Variants in PIK3C2A observed in about 807,000 individuals in gnomAD.
PIK3C2A encodes phosphatidylinositol-4-phosphate 3-kinase catalytic subunit type 2 alpha.
A neutral mutation model predicts 204.5 loss-of-function variants in PIK3C2A; 97 were observed. That is an observed-to-expected ratio of 0.47 (90% CI 0.40 to 0.56). PIK3C2A has a LOEUF of 0.56. Among genes scored for constraint, PIK3C2A ranks in the 20% least tolerant of loss-of-function variants. The pLI is 0.00. For missense variants in PIK3C2A, 1,735 were observed against 1,969.2 expected, an observed-to-expected ratio of 0.88 and a Z score of 2.25; for synonymous variants, 653 against 664.4, an observed-to-expected ratio of 0.98 and a Z score of 0.26.
At chr11:17,183,998 C>A (rs1363488578) in intron 1 of PIK3C2A, among the ~76,000 whole-genome samples, 2 of 150,992 alleles carry the variant, frequency 1.3e-5, no homozygotes, top group South Asian at 2.1e-4. Flanking sequence ...TCTAGCCACT[C>A]AATTTCAGCT....
chr11:17,111,907 A>G (rs1364398499), intron 21 of PIK3C2A, among the ~76,000 whole-genome samples: 1 of 151,262 alleles, frequency 6.6e-6, no homozygotes, highest in African/African-American at 2.4e-5. Context: ...AAAAATTCAA[A>G]AAAAAAAAAA....
In PIK3C2A at chr11:17,097,043, G is replaced by C. The variant is rs1848475060; in HGVS notation, c.4326+14C>G. On this transcript the variant is annotated intron_variant, in intron 27 of 32. Coordinates refer to ENST00000691414, the MANE Select transcript of PIK3C2A (RefSeq NM_002645.4). Reference sequence around the variant, plus strand: ...ACATGCATGATTGTTTATGAATATTGAAATCAAACTTACATAATGTTTATC... The same window carrying C: ...ACATGCATGATTGTTTATGAATATTCAAATCAAACTTACATAATGTTTATC... 1.4e-6 allele frequency: 2 copies of C among 1,409,110 alleles called. No homozygotes were observed. The highest frequency in any genetic ancestry group is 2.3e-5 in the South Asian group (2 of 85,896). The allele number at this position is 1,409,110 out of a possible 1,614,324, so 87.3% of individuals were successfully genotyped here. A position where few individuals can be genotyped will look rare whatever the true frequency, so the allele number is the denominator to read the frequency against.
chr11:17,203,553 C>T (rs1396727819), intron 1 of PIK3C2A, among the ~76,000 whole-genome samples: 1 of 152,126 alleles, frequency 6.6e-6, no homozygotes, highest in African/African-American at 2.4e-5. Flanking sequence ...ATCAAAAGAA[C>T]ATCATATATG....
At chr11:17,138,667 A>G (rs1053748178) in intron 8 of PIK3C2A, among the ~76,000 whole-genome samples, 25 of 152,100 alleles carry the variant, frequency 1.6e-4, no homozygotes, top group Admixed American at 1.6e-3. Flanking sequence ...CAGTTAGTAA[A>G]TATTTTAGGC....
chr11:17,199,244 T>C (rs1176241422), intron 1 of PIK3C2A, among the ~76,000 whole-genome samples: 2 of 152,002 alleles, frequency 1.3e-5, no homozygotes, highest in Admixed American at 6.6e-5. Flanking sequence ...GGCAAGGGTG[T>C]AGAAAAAGTG....
chr11:17,153,242 G>T lies in PIK3C2A; in HGVS notation c.1169+2284C>A, dbSNP rs188499021. The stretch of plus-strand genomic sequence containing the variant: ...AGGTCAGGAGTTCAAGACCAGCTTG[G>T]CCAATGTAGTGAAACCTCGTTTCTA... On this transcript the variant is annotated intron_variant, in intron 3 of 32. Coordinates refer to ENST00000691414, the MANE Select transcript of PIK3C2A (RefSeq NM_002645.4). 1.5e-3 allele frequency among the ~76,000 whole-genome samples: 229 copies of T among 152,132 alleles called. 2 individuals are homozygous for T. Among genetic ancestry groups the T allele is most frequent in the South Asian group, 3.7e-3 (18 of 4,822 alleles).
rs1848965961 is a variant in PIK3C2A, at chr11:17,110,523, C to G, written c.3453G>C (p.Gln1151His). 2 of 1,610,592 alleles carry G rather than the reference C, an allele frequency of 1.2e-6. No individual in the cohort carries two copies. The highest frequency in any genetic ancestry group is 8.5e-7 in the Non-Finnish European group (1 of 1,177,468). Reference protein sequence around the residue: ...EDLRQDMLALQMIKIMDKIWL... With the variant: ...EDLRQDMLALHMIKIMDKIWL... The stretch of plus-strand genomic sequence containing the variant: ...AGATCTTATCCATAATCTTTATCAT[C>G]TGTAAAGCTAACATATCTTGCCGAA... Residue 1151 changes from glutamine (Q) to histidine (H), a missense_variant, in exon 22 of 33, where the codon CAG becomes CAC. By Grantham distance (24) the Gln-to-His change is conservative (BLOSUM62 0). This residue lies in a region of PIK3C2A where 503 missense variants were observed against 669.0 expected (regional missense o/e 0.75). Transcript: ENST00000691414.
intron 1 of PIK3C2A, among the ~76,000 whole-genome samples, chr11:17,176,479 A>G (rs1398588359): frequency 6.6e-6 from 1 of 151,804 alleles, no homozygotes; most frequent in Non-Finnish European, 1.5e-5. Context: ...AATTTTAAAA[A>G]TTAAAAAAAA....
chr11:17,158,087 T>A (rs1367836449), intron 2 of PIK3C2A, among the ~76,000 whole-genome samples: 2 of 150,018 alleles, frequency 1.3e-5, no homozygotes, highest in South Asian at 2.1e-4. Context: ...CGGTGGCTCA[T>A]GCCTGTAATC....
intron 2 of PIK3C2A, among the ~76,000 whole-genome samples, chr11:17,160,366 C>T (rs1003323599): frequency 3.3e-5 from 5 of 151,934 alleles, no homozygotes; most frequent in African/African-American, 1.2e-4. Context: ...GTAGATTTAC[C>T]CAGGGCAACA....
chr11:17,149,139 T>C (rs1232052815), intron 4 of PIK3C2A, among the ~76,000 whole-genome samples: 1 of 152,134 alleles, frequency 6.6e-6, no homozygotes, highest in Non-Finnish European at 1.5e-5. Context: ...CCTTAAACAA[T>C]ACAGTACAGC....
chr11:17,107,922 A>G (rs956618269), intron 22 of PIK3C2A, among the ~76,000 whole-genome samples: 2 of 152,138 alleles, frequency 1.3e-5, no homozygotes, highest in African/African-American at 4.8e-5. Context: ...TCCAGGCTGG[A>G]GTGCAGTGGC....
chr11:17,114,512 T>A lies in PIK3C2A; in HGVS notation c.3217-47A>T. 3 of 873,696 alleles carry A rather than the reference T, an allele frequency of 3.4e-6. No homozygotes were observed. In the Middle Eastern group the frequency reaches 7.8e-4, roughly 226 times the overall value. 54.1% of individuals were successfully genotyped at this position (873,696 alleles called of 1,614,324 possible). ...TGTAAGTACATAATGAAAATGAAGA[T>A]CTATTTTTCAGACAAGTTATGCTGT... On this transcript the variant is annotated intron_variant, in intron 19 of 32. Coordinates refer to ENST00000691414, the MANE Select transcript of PIK3C2A (RefSeq NM_002645.4).
chr11:17,171,774 G>A (rs1194790276), intron 1 of PIK3C2A, among the ~76,000 whole-genome samples: 2 of 152,140 alleles, frequency 1.3e-5, no homozygotes, highest in Non-Finnish European at 2.9e-5. Context: ...AATTTACTTT[G>A]TTGTTCTTGT....
intron 2 of PIK3C2A, among the ~76,000 whole-genome samples, chr11:17,167,980 T>C (rs1335104641): frequency 6.6e-6 from 1 of 151,874 alleles, no homozygotes; most frequent in East Asian, 1.9e-4. Flanking sequence ...TGAGAATTTC[T>C]ATAATGGGGC....
At chr11:17,126,124 A>AAAAAAC (rs1478156335) in intron 13 of PIK3C2A, among the ~76,000 whole-genome samples, 3 of 152,162 alleles carry the variant, frequency 2.0e-5, no homozygotes, top group South Asian at 2.1e-4. Context: ...ACTCTGTCTC[A>AAAAAAC]AAAAACAAAA....
intron 32 of PIK3C2A, among the ~76,000 whole-genome samples, chr11:17,090,998 C>T (rs770214127): frequency 5.3e-5 from 8 of 151,634 alleles, no homozygotes; most frequent in East Asian, 1.9e-4. Flanking sequence ...GTATCCACCT[C>T]GGCCTCCCAA....
chr11:17,114,696 A>G (rs1849122700), intron 19 of PIK3C2A, among the ~76,000 whole-genome samples: 1 of 152,252 alleles, frequency 6.6e-6, no homozygotes, highest in Non-Finnish European at 1.5e-5. Context: ...GTTAAAGCTC[A>G]CTAATAGTCA....
At chr11:17,107,494 G>C (rs1044566339) in intron 22 of PIK3C2A, among the ~76,000 whole-genome samples, 1 of 152,090 alleles carries the variant, frequency 6.6e-6, no homozygotes, top group African/African-American at 2.4e-5. Context: ...GTGCATATTA[G>C]AATATACACA....
Sources: gnomAD v4.1 joint callset for allele counts (sites outside exome capture counted in the v4.1 genomes callset) on GRCh38, gnomAD v4.1.1 for gene constraint, gnomAD v4.1.1 regional missense constraint, MANE v1.5 for transcripts, NCBI Gene and HGNC (gene_info 2026-07-23, HGNC 2026-07-21) for gene names.